Variants in INPPL1 observed in about 807,000 individuals in gnomAD.
INPPL1 encodes inositol polyphosphate phosphatase like 1.
A neutral mutation model predicts 139.3 loss-of-function variants in INPPL1; 91 were observed. That is an observed-to-expected ratio of 0.65 (90% confidence interval 0.55 to 0.78). INPPL1 has a LOEUF of 0.78. Ranked by LOEUF, INPPL1 falls within the 30% of genes least tolerant of loss-of-function variation. The pLI is 0.00. For missense variants in INPPL1, 1,411 were observed against 1,665.6 expected (o/e 0.85, Z 2.66); for synonymous variants, 719 against 686.6 (o/e 1.05, Z -0.74).
chr11:72,230,288 C>T lies in INPPL1; in HGVS notation c.1090+17C>T. ...ACGACCGCAGTGAGCCAGGGCCAGA[C>T]CTGGGAGGGGTGGGCAGGGCGGAGC... On this transcript the variant is annotated intron_variant, in intron 9 of 27. Coordinates refer to ENST00000298229, the MANE Select transcript of INPPL1 (RefSeq NM_001567.4). The T allele has an allele frequency of 6.2e-7, 1 of 1,609,814 alleles. No individual in the cohort carries two copies. Among genetic ancestry groups the T allele is most frequent in the South Asian group, 1.1e-5 (1 of 90,586 alleles).
rs766877002 is a variant in INPPL1, at chr11:72,229,658, C to G, written c.754-5C>G. 2.5e-6 allele frequency: 4 copies of G among 1,613,936 alleles called. No individual in the cohort carries two copies. Among genetic ancestry groups the G allele is most frequent in the Admixed American group, 3.3e-5 (2 of 60,020 alleles). ...ATGTACAAGCCTGGTTCTTCCTCCC[C>G]CCAGAACCTGCCACAGACAGGGGAG... On this transcript the variant is annotated splice_region_variant and splice_polypyrimidine_tract_variant and intron_variant, in intron 6 of 27. Transcript: ENST00000298229.
In INPPL1 at chr11:72,237,208, CCTTGAAGGG is replaced by C; in HGVS notation, c.2965_2973del (p.Leu989_Gly991del). On this transcript the variant is annotated inframe_deletion, in exon 26 of 28. Transcript: ENST00000298229. ...GCTTCAATAACCCTGCCTACTACGT[CCTTGAAGGG>C]GTCCCGCACCAGCTGCTGCCCCCGG... 1 of 1,614,032 alleles carries C rather than the reference CCTTGAAGGG, an allele frequency of 6.2e-7. No individual in the cohort carries two copies. Among genetic ancestry groups the C allele is most frequent in the Non-Finnish European group, 8.5e-7 (1 of 1,180,018 alleles).
At position 72,230,780 on chromosome 11, in the gene INPPL1, G is replaced by A; in HGVS notation, c.1198-16G>A. On this transcript the variant is annotated splice_polypyrimidine_tract_variant and intron_variant, in intron 10 of 27. Coordinates refer to ENST00000298229, the MANE Select transcript of INPPL1 (RefSeq NM_001567.4). ...CTGGATGCCTACCCGCCCCTGAGTG[G>A]CTGCTGTTCCCCCAGAAGCGGGAGG... 1 of 1,611,530 alleles carries A rather than the reference G, an allele frequency of 6.2e-7. No homozygotes were observed.
chr11:72,237,933 T>G, intron 26 of INPPL1, 109 bp from the exon 27 acceptor site: 4 of 1,447,302 alleles, frequency 2.8e-6, no homozygotes, highest in Non-Finnish European at 3.7e-6. Flanking sequence ...GAGACACATG[T>G]ATCAGCCCAG....
Position 72,237,199 on chromosome 11 carries a change from C to T in INPPL1, c.2955C>T (p.Ala985=). 1 of 1,613,988 alleles carries T rather than the reference C, an allele frequency of 6.2e-7. No individual in the cohort carries two copies. The highest frequency in any genetic ancestry group is 8.5e-7 in the Non-Finnish European group (1 of 1,179,982). ...CCAAGAACAGCTTCAATAACCCTGCCTACTACGTCCTTGAAGGGGTCCCGC... is the reference window on the plus strand; with the variant it reads ...CCAAGAACAGCTTCAATAACCCTGCTTACTACGTCCTTGAAGGGGTCCCGC... ...PPPKNSFNNP[A]YYVLEGVPHQ... The change falls in exon 26 of 28, where the codon GCC becomes GCT. Residue 985 remains alanine (A), a synonymous_variant. Transcript: ENST00000298229.
rs1437789896 is a variant in INPPL1, at chr11:72,234,461, C to T, written c.2327-66C>T. 3.1e-6 allele frequency: 5 copies of T among 1,591,100 alleles called. No homozygotes were observed. Among genetic ancestry groups the T allele is most frequent in the Non-Finnish European group, 4.3e-6 (5 of 1,159,286 alleles). ...GGGAGGCAAGAGGGTGCAGTCAGCCCCCTACTTAGGGGGAAAGGAAGCTGA... is the reference window on the plus strand; with the variant it reads ...GGGAGGCAAGAGGGTGCAGTCAGCCTCCTACTTAGGGGGAAAGGAAGCTGA... On this transcript the variant is annotated intron_variant, in intron 20 of 27. Coordinates refer to ENST00000298229, the MANE Select transcript of INPPL1 (RefSeq NM_001567.4). This position sits in a 1 kb window ranked among gnomAD's most constrained non-coding sequence, Gnocchi z 4.2.
At chr11:72,229,058 A>T in intron 4 of INPPL1, 32 bp from the exon 5 acceptor site, 1 of 1,581,260 alleles carries the variant, frequency 6.3e-7, no homozygotes, top group Non-Finnish European at 8.6e-7. Flanking sequence ...GGTCAGCAGG[A>T]CCTCCACTGA....
Position 72,235,891 on chromosome 11 carries a change from C to T in INPPL1, c.2784C>T (p.Leu928=), listed in dbSNP as rs1948975274. ...CCTTCACAGAGGCCTCCTGCCCGCTCTCCAGGTTATTTGAAGAACCAGAGA... is the reference window on the plus strand; with the variant it reads ...CCTTCACAGAGGCCTCCTGCCCGCTTTCCAGGTTATTTGAAGAACCAGAGA... The part of the protein sequence containing the change: ...KPAFTEASCP[L]SRLFEEPEKP... Residue 928 remains leucine (L), a synonymous_variant, in exon 25 of 28, where the codon CTC becomes CTT. Transcript: ENST00000298229. The surrounding 1 kb of genome is among the most constrained non-coding windows in gnomAD (Gnocchi z 4.9). 2 of 1,613,384 alleles carry T rather than the reference C, an allele frequency of 1.2e-6. No homozygotes were observed. The highest frequency in any genetic ancestry group is 2.7e-5 in the African/African-American group (2 of 75,064).
At chr11:72,227,506 A>G (rs971770075) in intron 1 of INPPL1, among the ~76,000 whole-genome samples, 1 of 152,058 alleles carries the variant, frequency 6.6e-6, no homozygotes, top group Non-Finnish European at 1.5e-5. Context: ...CTCCTTGGGG[A>G]AGCATGCCCT....
At position 72,237,748 on chromosome 11, in the gene INPPL1, C is replaced by T; in HGVS notation, c.3504C>T (p.Phe1168=). The T allele has an allele frequency of 1.9e-6, 3 of 1,611,222 alleles. No individual in the cohort carries two copies. The highest frequency in any genetic ancestry group is 1.7e-6 in the Non-Finnish European group (2 of 1,179,276). ...LPSDYGRPLS[F]PPPRIRESIQ... ...CGGACTATGGCCGGCCCCTCAGCTT[C>T]CCTCCACCCCGCATCCGGGAGAGCA... The change falls in exon 26 of 28, where the codon TTC becomes TTT. Residue 1168 remains phenylalanine, a synonymous_variant. Transcript: ENST00000298229.
At chr11:72,231,725 A>G (rs1948840931) in intron 13 of INPPL1, 110 bp downstream of exon 13, 1 of 772,578 alleles carries the variant, frequency 1.3e-6, no homozygotes, top group Non-Finnish European at 2.3e-6. Flanking sequence ...GTTTCCCCAT[A>G]TATAGGGTAC....
At position 72,233,525 on chromosome 11, in the gene INPPL1, C is replaced by T; in HGVS notation, c.2122+3C>T. ...TCACATCATCTGCAATTCTTATGGT[C>T]AGAGCCTCCCGGACAGAGTGATGGG... On this transcript the variant is annotated splice_donor_region_variant and intron_variant, in intron 18 of 27. Transcript: ENST00000298229. The T allele has an allele frequency of 6.2e-7, 1 of 1,613,750 alleles. No homozygotes were observed.
At chr11:72,223,761 C>A (rs1336280690), upstream of INPPL1, 1 of 151,670 alleles carries the variant, frequency 6.6e-6, no homozygotes, top group South Asian at 1.9e-4. Context: ...TGCCCGAGGT[C>A]ACCCAGTGGG....
rs909374706 is a variant in INPPL1, at chr11:72,230,901, C to G, written c.1300+3C>G. 6.2e-7 allele frequency: 1 copy of G among 1,613,820 alleles called. No homozygotes were observed. Among genetic ancestry groups the G allele is most frequent in the African/African-American group, 1.3e-5 (1 of 74,900 alleles). ...CTTCATAGGCACCTGGAACATGGGT[C>G]AGGCCCGGGCTGGGGCTGGGGCGGG... On this transcript the variant is annotated splice_donor_region_variant and intron_variant, in intron 11 of 27. Coordinates refer to ENST00000298229, the MANE Select transcript of INPPL1 (RefSeq NM_001567.4).
intron 9 of INPPL1, 34 bp downstream of exon 9, chr11:72,230,305 G>T (rs1726192916): frequency 1.2e-6 from 2 of 1,611,766 alleles, no homozygotes; most frequent in South Asian, 2.2e-5. Flanking sequence ...GGGGTGGGCA[G>T]GGCGGAGCCC....
chr11:72,231,532 C>T lies in INPPL1; in HGVS notation c.1532C>T (p.Ala511Val), dbSNP rs1414571918. 2.5e-6 allele frequency: 4 copies of T among 1,613,754 alleles called. No homozygotes were observed. Among genetic ancestry groups the T allele is most frequent in the Non-Finnish European group, 3.4e-6 (4 of 1,179,966 alleles). ...AMQSLWNIKV[A>V]VLVKPEHENR... is the part of the protein sequence containing the mutation. Reference sequence around the variant, plus strand: ...CAATCACTGTGGAATATCAAGGTGGCAGTGCTGGTCAAGCCAGAGCACGAG... The same window carrying T: ...CAATCACTGTGGAATATCAAGGTGGTAGTGCTGGTCAAGCCAGAGCACGAG... The change falls in exon 13 of 28, where the codon GCA (alanine) becomes GTA (valine). Residue 511 changes from alanine (A) to valine (V), a missense_variant. By Grantham distance (64) the Ala-to-Val change is moderately conservative (BLOSUM62 0). Coordinates refer to ENST00000298229, the MANE Select transcript of INPPL1 (RefSeq NM_001567.4).
upstream of INPPL1, chr11:72,223,922 C>T (rs962214330): frequency 1.3e-5 from 2 of 152,574 alleles, no homozygotes; most frequent in South Asian, 1.8e-4. Context: ...GAGCCCAGGG[C>T]CGCTGTCCGG....
chr11:72,231,732 G>GT, intron 13 of INPPL1, 117 bp downstream of exon 13: 1 of 746,842 alleles, frequency 1.3e-6, no homozygotes, highest in African/African-American at 1.7e-5. Context: ...CATATATAGG[G>GT]TACTTTGAAC....
chr11:72,236,032 C>T (rs1948981387), intron 25 of INPPL1, 46 bp downstream of exon 25: 2 of 1,011,246 alleles, frequency 2.0e-6, no homozygotes, highest in Non-Finnish European at 2.9e-6. Context: ...CCACCCACCT[C>T]TATCCATCAC....
Sources: gnomAD v4.1 joint callset for allele counts (sites outside exome capture counted in the v4.1 genomes callset) on GRCh38, gnomAD v4.1.1 for gene constraint, Gnocchi (gnomAD v3.1) non-coding constraint, MANE v1.5 for transcripts, NCBI Gene and HGNC (gene_info 2026-07-23, HGNC 2026-07-21) for gene names.